EHBP1: variants seen among roughly 807,000 people sequenced by gnomAD.
EHBP1 encodes the protein EH domain-binding protein 1.
Under a neutral mutation model 144.0 loss-of-function variants are expected in EHBP1, and 55 were observed. That is an observed-to-expected ratio of 0.38 (90% CI 0.31 to 0.48). EHBP1 has a LOEUF of 0.48. Ranked by LOEUF, EHBP1 falls within the 20% of genes least tolerant of loss-of-function variation. EHBP1 has a pLI of 0.98. For synonymous variants in EHBP1, 469 were observed against 472.7 expected (o/e 0.99, Z 0.10); for missense variants, 1,200 against 1,364.2 (o/e 0.88, Z 1.90).
intron 4 of EHBP1, among the ~76,000 whole-genome samples, chr2:62,766,628 A>G (rs1213619334): frequency 6.6e-6 from 1 of 152,084 alleles, no homozygotes; most frequent in African/African-American, 2.4e-5. Context: ...TGACCCCACT[A>G]CTTTTCTCTG....
At chr2:62,806,072 T>G (rs959089291) in intron 5 of EHBP1, among the ~76,000 whole-genome samples, 2 of 152,110 alleles carry the variant, frequency 1.3e-5, no homozygotes, top group African/African-American at 4.8e-5. Flanking sequence ...CTCGACCTCC[T>G]GGGCTCAAGT....
intron 2 of EHBP1, among the ~76,000 whole-genome samples, chr2:62,731,337 A>G (rs1400376665): frequency 2.6e-5 from 4 of 152,162 alleles, no homozygotes; most frequent in Non-Finnish European, 5.9e-5. Context: ...TTCTGCATAG[A>G]CAATCCTATC....
chr2:62,756,768 C>CAAAAAAAA (rs34717027), intron 3 of EHBP1, among the ~76,000 whole-genome samples: 3 of 76,636 alleles, frequency 3.9e-5, no homozygotes, highest in African/African-American at 4.9e-5. Context: ...AACTCTATCT[C>CAAAAAAAA]AAAAAAAAAA....
intron 10 of EHBP1, among the ~76,000 whole-genome samples, chr2:62,937,292 A>G (rs979122989): frequency 7.2e-5 from 11 of 152,186 alleles, no homozygotes; most frequent in African/African-American, 7.2e-5. Context: ...ATTCCTTGGT[A>G]TAGGAACTCC....
chr2:63,039,415 CTA>C (rs1382584748), intron 21 of EHBP1, among the ~76,000 whole-genome samples: 1 of 152,044 alleles, frequency 6.6e-6, no homozygotes. Context: ...CTGGCATTTA[CTA>C]TATATGATTT....
At position 62,926,221 on chromosome 2, in the gene EHBP1, A is replaced by T. The variant is rs184699475; in HGVS notation, c.1186-16497A>T. Among the ~76,000 whole-genome samples, 25 of 152,164 alleles carry T rather than the reference A, an allele frequency of 1.6e-4. No individual in the cohort carries two copies. In the East Asian group the frequency reaches 2.5e-3, roughly 15 times the overall value. On this transcript the variant is annotated intron_variant, in intron 10 of 22. Coordinates refer to ENST00000431489, the MANE Select transcript of EHBP1 (RefSeq NM_001142616.3). ...CTGGAACTAGACTGCCACCTCTCAA[A>T]ATGGATCAAAGACTTAAATGTAAGA...
In EHBP1 at chr2:62,751,243, A is replaced by G. The variant is rs567508000; in HGVS notation, c.162+3791A>G. Among the ~76,000 whole-genome samples, 6 of 152,272 alleles carry G rather than the reference A, an allele frequency of 3.9e-5. No individual in the cohort carries two copies. The South Asian group carries it at 1.2e-3, about 32-fold the overall frequency. On this transcript the variant is annotated intron_variant, in intron 3 of 22. Coordinates refer to ENST00000431489, the MANE Select transcript of EHBP1 (RefSeq NM_001142616.3). ...CTTTTCTGCATCTATTGAGATAATC[A>G]TGTGGTTTTTGTCTTTGGTTCTGTT...
rs11125944 is a variant in EHBP1, at chr2:62,749,953, G to A, written c.162+2501G>A. On this transcript the variant is annotated intron_variant, in intron 3 of 22. Transcript: ENST00000431489. The stretch of plus-strand genomic sequence containing the variant: ...TAGGTTGTCTGTTCACTCTCATGGT[G>A]GTTTCTTTTGCTGTGCAGAAGCTCT... Among the ~76,000 whole-genome samples the A allele has an allele frequency of 3.3e-5, 5 of 152,042 alleles. No homozygotes were observed. In the East Asian group the frequency reaches 7.7e-4, roughly 24 times the overall value.
chr2:62,732,693 G>A (rs1284874155), intron 2 of EHBP1, among the ~76,000 whole-genome samples: 1 of 152,188 alleles, frequency 6.6e-6, no homozygotes, highest in Non-Finnish European at 1.5e-5. Context: ...TGTAAAGCCT[G>A]TGGAACCATG....
At chr2:63,006,823 T>TTA (rs1003545519) in intron 19 of EHBP1, among the ~76,000 whole-genome samples, 117 of 150,358 alleles carry the variant, frequency 7.8e-4, no homozygotes, top group East Asian at 3.1e-3. Flanking sequence ...ATATTGGAAA[T>TTA]TATATATATA....
At chr2:62,681,142 G>A (rs554695050) in intron 1 of EHBP1, among the ~76,000 whole-genome samples, 12 of 150,760 alleles carry the variant, frequency 8.0e-5, no homozygotes, top group Non-Finnish European at 1.6e-4. Flanking sequence ...GTGAAACCCC[G>A]TCTCTACTAA....
intron 2 of EHBP1, among the ~76,000 whole-genome samples, chr2:62,732,035 G>C (rs913066580): frequency 2.6e-5 from 4 of 152,024 alleles, no homozygotes; most frequent in Admixed American, 2.6e-4. Context: ...CTCTCTTCCT[G>C]CTTACAAGTG....
At chr2:63,015,466 G>A (rs986309667) in intron 19 of EHBP1, among the ~76,000 whole-genome samples, 1 of 152,114 alleles carries the variant, frequency 6.6e-6, no homozygotes, top group Non-Finnish European at 1.5e-5. Flanking sequence ...GTAATAACAT[G>A]TCTCCATTTT....
At chr2:62,684,488 TA>T (rs2033651506) in intron 1 of EHBP1, among the ~76,000 whole-genome samples, 1 of 152,090 alleles carries the variant, frequency 6.6e-6, no homozygotes, top group Non-Finnish European at 1.5e-5. Context: ...AAAACAAGGG[TA>T]AAATTAGGTT....
chr2:62,996,635 G>T lies in EHBP1; in HGVS notation c.2980-8G>T, dbSNP rs1296124387. 1.1e-5 allele frequency: 18 copies of T among 1,611,972 alleles called. No individual in the cohort carries two copies. The highest frequency in any genetic ancestry group is 1.7e-5 in the Admixed American group (1 of 59,746). On this transcript the variant is annotated splice_region_variant and splice_polypyrimidine_tract_variant and intron_variant, in intron 18 of 22. Transcript: ENST00000431489. ...TTTTTTTTCCTTCCTGTTTGTTCTT[G>T]TTAACAGAAAGGGTTCAAAGACACC...
At chr2:62,973,969 A>G in intron 14 of EHBP1, among the ~76,000 whole-genome samples, 1 of 152,156 alleles carries the variant, frequency 6.6e-6, no homozygotes, top group Non-Finnish European at 1.5e-5. Context: ...TGATTGCACC[A>G]TTGCACTCCA....
At chr2:63,042,130 A>C (rs1407553018) in intron 21 of EHBP1, among the ~76,000 whole-genome samples, 1 of 152,204 alleles carries the variant, frequency 6.6e-6, no homozygotes, top group Non-Finnish European at 1.5e-5. Flanking sequence ...GCAAAAGTAC[A>C]CTGGAATCTT....
chr2:62,951,520 C>CTT (rs869188893), intron 13 of EHBP1, among the ~76,000 whole-genome samples: 15 of 83,330 alleles, frequency 1.8e-4, no homozygotes, highest in Admixed American at 2.9e-4. Context: ...ACAAATTTTT[C>CTT]TTTTTTTTTT....
At chr2:62,729,464 T>TAA (rs2037229856) in intron 2 of EHBP1, among the ~76,000 whole-genome samples, 1 of 116,962 alleles carries the variant, frequency 8.5e-6, no homozygotes, top group African/African-American at 3.4e-5. Context: ...ATATAATATA[T>TAA]AAATATATAA....
Sources: allele counts gnomAD v4.1 joint callset (sites outside exome capture counted in the v4.1 genomes callset), GRCh38; gene constraint gnomAD v4.1.1; transcripts MANE v1.5; gene names NCBI Gene and HGNC (gene_info 2026-07-23, HGNC 2026-07-21).